The following CUBN variants were observed in gnomAD, a reference collection of about 807,000 sequenced individuals.
The protein encoded by CUBN is 460 kDa receptor.
CUBN carries 282 observed loss-of-function variants against 405.3 expected under a neutral mutation model. The ratio of observed to expected loss-of-function variants is 0.70; its 90% CI spans 0.63 to 0.77. The LOEUF (loss-of-function observed/expected upper bound fraction) is 0.77, where lower values mean the gene tolerates loss of function less well. Among genes scored for constraint, CUBN ranks in the 30% least tolerant of loss-of-function variants. CUBN has a pLI of 0.00. For missense variants in CUBN, 4,514 were observed against 4,475.2 expected (o/e 1.01, Z -0.25); for synonymous variants, 1,684 against 1,617.0 (o/e 1.04, Z -0.99).
chr10:17,070,841 G>C (rs1163239854), intron 19 of CUBN, among the ~76,000 whole-genome samples: 3 of 152,058 alleles, frequency 2.0e-5, no homozygotes, highest in Non-Finnish European at 4.4e-5. Flanking sequence ...TTTCATTCTG[G>C]ATGCATTTTA....
intron 34 of CUBN, among the ~76,000 whole-genome samples, chr10:16,949,093 A>G (rs891355599): frequency 2.0e-5 from 3 of 152,238 alleles, no homozygotes; most frequent in African/African-American, 7.2e-5. Flanking sequence ...CATATTGAAA[A>G]TAATGAAACC....
chr10:17,120,463 T>C lies in CUBN; in HGVS notation c.593+2332A>G, dbSNP rs141737969. Among the ~76,000 whole-genome samples the C allele has an allele frequency of 1.9e-3, 288 of 152,244 alleles. 1 individual carries two copies. Among genetic ancestry groups the C allele is most frequent in the African/African-American group, 6.6e-3 (276 of 41,534 alleles). On this transcript the variant is annotated intron_variant, in intron 6 of 66. Coordinates refer to ENST00000377833, the MANE Select transcript of CUBN (RefSeq NM_001081.4). Reference sequence around the variant, plus strand: ...TCCAGCAAATCTATGAAGGGCAGAGTCTAGGAATCAAGATCATTTCCAAAG... The same window carrying C: ...TCCAGCAAATCTATGAAGGGCAGAGCCTAGGAATCAAGATCATTTCCAAAG...
intron 36 of CUBN, among the ~76,000 whole-genome samples, chr10:16,940,634 C>T (rs949813965): frequency 6.6e-6 from 1 of 152,130 alleles, no homozygotes; most frequent in African/African-American, 2.4e-5. Context: ...TGGAAATATA[C>T]ATGTGAGCTG....
chr10:17,110,118 A>C (rs952831119), intron 9 of CUBN, among the ~76,000 whole-genome samples: 1 of 152,206 alleles, frequency 6.6e-6, no homozygotes, highest in Non-Finnish European at 1.5e-5. Context: ...ACAAGGTTTC[A>C]GTTTATCCCT....
intron 48 of CUBN, among the ~76,000 whole-genome samples, chr10:16,909,221 A>C (rs1841652381): frequency 6.6e-6 from 1 of 152,112 alleles, no homozygotes; most frequent in South Asian, 2.1e-4. Context: ...TAATTAATCA[A>C]ATTTAGCTCT....
chr10:16,877,568 G>A (rs576462690), intron 56 of CUBN, among the ~76,000 whole-genome samples: 5 of 152,104 alleles, frequency 3.3e-5, no homozygotes, highest in African/African-American at 1.2e-4. Flanking sequence ...TGTCAATAGC[G>A]CTGCTACTGA....
chr10:17,078,649 T>C (rs892405528), intron 17 of CUBN, among the ~76,000 whole-genome samples: 1 of 152,184 alleles, frequency 6.6e-6, no homozygotes, highest in African/African-American at 2.4e-5. Context: ...GATAAATATT[T>C]AGAGAATGAA....
chr10:16,856,616 A>T (rs1199612439), intron 59 of CUBN, among the ~76,000 whole-genome samples: 3 of 152,328 alleles, frequency 2.0e-5, no homozygotes, highest in African/African-American at 7.2e-5. Flanking sequence ...AGTTAGATAC[A>T]TTTTTAAATC....
chr10:16,874,233 T>C, intron 58 of CUBN, 141 bp downstream of exon 58: 1 of 915,734 alleles, frequency 1.1e-6, no homozygotes, highest in Non-Finnish European at 1.7e-6. Flanking sequence ...GGTTGAACTG[T>C]CATCTAGGAA....
intron 29 of CUBN, among the ~76,000 whole-genome samples, chr10:16,989,182 G>A (rs977226343): frequency 3.3e-5 from 5 of 152,214 alleles, no homozygotes; most frequent in South Asian, 2.1e-4. Flanking sequence ...AGTCCCTAGA[G>A]CTGAGGTCAC....
chr10:16,956,301 T>C (rs1474037256), intron 31 of CUBN, among the ~76,000 whole-genome samples: 4 of 152,050 alleles, frequency 2.6e-5, no homozygotes, highest in Admixed American at 6.5e-5. Flanking sequence ...TCTTTTCTTT[T>C]TTATTATTTA....
intron 31 of CUBN, among the ~76,000 whole-genome samples, chr10:16,955,792 C>T (rs74116780): frequency 2.0e-5 from 3 of 152,072 alleles, no homozygotes; most frequent in Non-Finnish European, 4.4e-5. Context: ...AAGTAATGGG[C>T]CCAAGTCACA....
chr10:17,066,289 A>C (rs1446509494), intron 21 of CUBN, among the ~76,000 whole-genome samples: 3 of 152,212 alleles, frequency 2.0e-5, no homozygotes. Flanking sequence ...TAATGTTAAA[A>C]AGAGAGTTGT....
Position 16,900,641 on chromosome 10 carries a change from C to G in CUBN, c.8394G>C (p.Trp2798Cys). ...SLQGGGFYAT[W>C]NTQTLGCGGI... Reference sequence around the variant, plus strand: ...TTCTTTTACCTAAAGTTTGTGTGTTCCACGTAGCATAAAATCCACCACCTT... The same window carrying G: ...TTCTTTTACCTAAAGTTTGTGTGTTGCACGTAGCATAAAATCCACCACCTT... Residue 2798 changes from tryptophan (W) to cysteine (C), a missense_variant, in exon 53 of 67, where the codon TGG becomes TGC. By Grantham distance (215) the Trp-to-Cys change is radical (BLOSUM62 -2). Coordinates refer to ENST00000377833, the MANE Select transcript of CUBN (RefSeq NM_001081.4). 6.2e-7 allele frequency: 1 copy of G among 1,613,426 alleles called. No homozygotes were observed. The highest frequency in any genetic ancestry group is 8.5e-7 in the Non-Finnish European group (1 of 1,179,332).
chr10:17,020,623 C>CT (rs1834467974), intron 27 of CUBN, among the ~76,000 whole-genome samples: 1 of 151,996 alleles, frequency 6.6e-6, no homozygotes, highest in South Asian at 2.1e-4. Flanking sequence ...TCTCTTGATA[C>CT]TTTTTTCATT....
chr10:16,843,511 A>G (rs1248902774), intron 60 of CUBN, among the ~76,000 whole-genome samples: 1 of 152,048 alleles, frequency 6.6e-6, no homozygotes, highest in Non-Finnish European at 1.5e-5. Context: ...ATTCAGAATC[A>G]GATGAAACTC....
chr10:17,088,149 A>T lies in CUBN; in HGVS notation c.1947+15T>A, dbSNP rs1281990840. 3 of 1,598,936 alleles carry T rather than the reference A, an allele frequency of 1.9e-6. No homozygotes were observed. In the South Asian group the frequency reaches 3.3e-5, roughly 18 times the overall value. ...ATCATATTGTGATATGTTCTATCTA[A>T]ATATAATTATTTACCTCAAGGTAAT... is the stretch of plus-strand genomic sequence containing the variant. On this transcript the variant is annotated intron_variant, in intron 15 of 66. Coordinates refer to ENST00000377833, the MANE Select transcript of CUBN (RefSeq NM_001081.4).
At chr10:16,886,187 AAC>A (rs1840808232) in intron 56 of CUBN, among the ~76,000 whole-genome samples, 1 of 152,022 alleles carries the variant, frequency 6.6e-6, no homozygotes, top group Non-Finnish European at 1.5e-5. Flanking sequence ...TTTTTAAGCA[AAC>A]ACATGTGCTG....
intron 22 of CUBN, among the ~76,000 whole-genome samples, chr10:17,063,272 C>G (rs1256188829): frequency 1.3e-5 from 2 of 152,210 alleles, no homozygotes; most frequent in East Asian, 3.9e-4. Flanking sequence ...AATGGCTTGA[C>G]TGTGTTAGTC....
Sources: gnomAD v4.1 joint callset for allele counts (sites outside exome capture counted in the v4.1 genomes callset) on GRCh38, gnomAD v4.1.1 for gene constraint, MANE v1.5 for transcripts, NCBI Gene and HGNC (gene_info 2026-07-23, HGNC 2026-07-21) for gene names.